Variants in CNTN4 observed in about 807,000 individuals in gnomAD.
The protein encoded by CNTN4 is contactin-4.
In CNTN4, 77 loss-of-function variants were observed where a neutral mutation model predicts 122.5. The observed-to-expected ratio is 0.63, with a 90% CI of 0.52 to 0.76. The LOEUF is 0.76. CNTN4 is among the 30% of genes least tolerant of loss of function. CNTN4 has a pLI of 0.00. For missense variants in CNTN4, 1,256 were observed against 1,259.1 expected, an observed-to-expected ratio of 1.00 and a Z score of 0.04; for synonymous variants, 512 against 447.0, an observed-to-expected ratio of 1.15 and a Z score of -1.83.
intron 4 of CNTN4, among the ~76,000 whole-genome samples, chr3:2,585,929 T>C (rs1358897349): frequency 6.6e-6 from 1 of 151,504 alleles, no homozygotes; most frequent in African/African-American, 2.4e-5. Context: ...CTAGGAATGA[T>C]GTAACTAGAA....
chr3:2,680,936 T>A (rs773011348), intron 4 of CNTN4, among the ~76,000 whole-genome samples: 7 of 152,198 alleles, frequency 4.6e-5, no homozygotes, highest in Admixed American at 6.5e-5. Flanking sequence ...GTTGTAAATA[T>A]TGGTTGCATA....
At chr3:3,043,825 G>A (rs1700377176) in intron 23 of CNTN4, 121 bp downstream of exon 23, 1 of 733,432 alleles carries the variant, frequency 1.4e-6, no homozygotes, top group Non-Finnish European at 2.5e-6. Context: ...TACCCTCTAG[G>A]AATCGCTGCC....
intron 3 of CNTN4, among the ~76,000 whole-genome samples, chr3:2,487,860 A>G (rs929364104): frequency 6.6e-5 from 10 of 152,236 alleles, no homozygotes; most frequent in African/African-American, 2.4e-4. Flanking sequence ...TAATTTTCGC[A>G]GTAACAAATG....
At chr3:2,677,027 C>G (rs2084885711) in intron 4 of CNTN4, among the ~76,000 whole-genome samples, 1 of 151,958 alleles carries the variant, frequency 6.6e-6, no homozygotes. Context: ...GAATACTCTG[C>G]ACATCAAATA....
At chr3:2,325,035 C>G (rs946162039) in intron 2 of CNTN4, among the ~76,000 whole-genome samples, 8 of 152,112 alleles carry the variant, frequency 5.3e-5, no homozygotes, top group African/African-American at 7.2e-5. Flanking sequence ...GTCGAGGAAA[C>G]CTGAAGGGGT....
chr3:2,554,327 A>G (rs1279171407), intron 3 of CNTN4, among the ~76,000 whole-genome samples: 3 of 151,952 alleles, frequency 2.0e-5, no homozygotes, highest in Admixed American at 6.6e-5. Flanking sequence ...ATTAATTTCT[A>G]AACAGGATTT....
chr3:2,369,827 C>G (rs1001266767), intron 3 of CNTN4, among the ~76,000 whole-genome samples: 5 of 152,114 alleles, frequency 3.3e-5, no homozygotes, highest in African/African-American at 1.2e-4. Context: ...TTAGAACCAG[C>G]TGCCTTTCTT....
chr3:2,927,253 G>C, intron 13 of CNTN4: 1 of 453,450 alleles, frequency 2.2e-6, no homozygotes, highest in Non-Finnish European at 4.4e-6. Flanking sequence ...GCAACCCTGA[G>C]TTCTGGCTTA....
At chr3:2,342,762 G>A (rs1371462951) in intron 3 of CNTN4, among the ~76,000 whole-genome samples, 1 of 152,192 alleles carries the variant, frequency 6.6e-6, no homozygotes, top group African/African-American at 2.4e-5. Flanking sequence ...CAGTCATGCT[G>A]AAGTGTGAGT....
chr3:3,022,809 A>ACAT (rs1442957613), intron 14 of CNTN4, among the ~76,000 whole-genome samples: 8 of 152,192 alleles, frequency 5.3e-5, no homozygotes, highest in Non-Finnish European at 1.0e-4. Flanking sequence ...TTCAGAATTT[A>ACAT]TCATTCTACA....
Position 2,925,712 on chromosome 3 carries a change from C to T in CNTN4, c.1291C>T (p.Pro431Ser). The change falls in exon 13 of 25, where the codon CCA becomes TCA. Residue 431 changes from proline (P) to serine (S), a missense_variant. Coordinates refer to ENST00000418658, the MANE Select transcript of CNTN4 (RefSeq NM_175607.3). ...AGGTGAAGTTGTCATTGAGTGTAAG[C>T]CAAAAGCGTCTCCAAAACCTGTTTA... ...VGGEVVIECK[P>S]KASPKPVYTW... 1 of 1,613,602 alleles carries T rather than the reference C, an allele frequency of 6.2e-7. No homozygotes were observed.
intron 4 of CNTN4, among the ~76,000 whole-genome samples, chr3:2,712,410 G>A (rs374383571): frequency 2.2e-4 from 34 of 152,276 alleles, no homozygotes; most frequent in Middle Eastern, 3.4e-3. Flanking sequence ...TAGTATAGAG[G>A]AGAAAAGGTA....
At chr3:3,036,412 A>G (rs1355598454) in intron 17 of CNTN4, among the ~76,000 whole-genome samples, 1 of 152,162 alleles carries the variant, frequency 6.6e-6, no homozygotes, top group Non-Finnish European at 1.5e-5. Context: ...TAATCAGCTG[A>G]TCTCTATACA....
intron 3 of CNTN4, among the ~76,000 whole-genome samples, chr3:2,495,597 A>G: frequency 6.6e-6 from 1 of 152,150 alleles, no homozygotes; most frequent in South Asian, 2.1e-4. Context: ...TTACCTCCTG[A>G]GCTCTGCCTC....
At chr3:2,618,872 T>G (rs1297299293) in intron 4 of CNTN4, among the ~76,000 whole-genome samples, 1 of 152,174 alleles carries the variant, frequency 6.6e-6, no homozygotes, top group East Asian at 1.9e-4. Flanking sequence ...CCTGGTATTG[T>G]GGAAGGAGTG....
intron 2 of CNTN4, among the ~76,000 whole-genome samples, chr3:2,279,707 A>T (rs1205983811): frequency 6.6e-6 from 1 of 151,946 alleles, no homozygotes; most frequent in East Asian, 1.9e-4. Context: ...AATAAGCAAG[A>T]CTTTTGTTAA....
intron 2 of CNTN4, among the ~76,000 whole-genome samples, chr3:2,141,866 T>A (rs1210518669): frequency 6.6e-6 from 1 of 152,204 alleles, no homozygotes; most frequent in Non-Finnish European, 1.5e-5. Flanking sequence ...CTTTTGACAG[T>A]TGCATCCATT....
At chr3:2,737,193 A>C (rs1337478779) in intron 5 of CNTN4, among the ~76,000 whole-genome samples, 1 of 149,470 alleles carries the variant, frequency 6.7e-6, no homozygotes, top group Non-Finnish European at 1.5e-5. Flanking sequence ...GGACTCTGGC[A>C]CCTCAGCCTC....
chr3:2,689,424 C>T (rs1362360345), intron 4 of CNTN4, among the ~76,000 whole-genome samples: 1 of 152,154 alleles, frequency 6.6e-6, no homozygotes, highest in East Asian at 1.9e-4. Context: ...AGCATTTTGG[C>T]TCCATGCAAA....
Sources: allele counts gnomAD v4.1 joint callset (sites outside exome capture counted in the v4.1 genomes callset), GRCh38; gene constraint gnomAD v4.1.1; transcripts MANE v1.5; gene names NCBI Gene and HGNC (gene_info 2026-07-23, HGNC 2026-07-21).